The following BAHD1 variants were observed in gnomAD, a reference collection of about 807,000 sequenced individuals.
The protein encoded by BAHD1 is bromo adjacent homology domain-containing 1 protein.
Under a neutral mutation model 63.1 loss-of-function variants are expected in BAHD1, and 20 were observed. The ratio of observed to expected loss-of-function variants is 0.32; its 90% CI spans 0.22 to 0.46. The LOEUF (loss-of-function observed/expected upper bound fraction) is 0.46. Among genes scored for constraint, BAHD1 ranks in the 20% least tolerant of loss-of-function variants. BAHD1 has a pLI of 1.00. For missense variants in BAHD1, 939 were observed against 1,071.8 expected, an observed-to-expected ratio of 0.88 and a Z score of 1.73; for synonymous variants, 408 against 426.8, an observed-to-expected ratio of 0.96 and a Z score of 0.54.
intron 1 of BAHD1, among the ~76,000 whole-genome samples, chr15:40,441,818 C>T (rs1158019092): frequency 2.0e-5 from 3 of 147,926 alleles, no homozygotes; most frequent in Non-Finnish European, 4.5e-5. Flanking sequence ...CGCCCTCCCG[C>T]GCTGGGAGCT....
In BAHD1 at chr15:40,466,510, C is replaced by G. The variant is rs1409051957; in HGVS notation, c.*380C>G. 5.6e-6 allele frequency: 1 copy of G among 177,754 alleles called. No homozygotes were observed. Among genetic ancestry groups the G allele is most frequent in the Admixed American group, 5.8e-5 (1 of 17,324 alleles). 11.0% of individuals were successfully genotyped at this position (177,754 alleles called of 1,614,324 possible). A position where few individuals can be genotyped will look rare whatever the true frequency, so the allele number is the denominator to read the frequency against. On this transcript the variant is annotated 3_prime_UTR_variant, in exon 7 of 7. Transcript: ENST00000416165. ...CAGACCCAACAGGCCCTTCTGTAGC[C>G]TCCCCCTTGCCCTCAAAGGGGGAGT...
intron 1 of BAHD1, among the ~76,000 whole-genome samples, chr15:40,449,859 G>A: frequency 6.6e-6 from 1 of 151,656 alleles, no homozygotes; most frequent in East Asian, 1.9e-4. Context: ...GGTAATGAAG[G>A]AGGGTTGTGC....
chr15:40,438,560 G>A (rs1287041200), upstream of BAHD1, among the ~76,000 whole-genome samples: 1 of 152,106 alleles, frequency 6.6e-6, no homozygotes, highest in African/African-American at 2.4e-5. Context: ...TCCTCCAGCG[G>A]CCAGGCAGGC....
chr15:40,464,080 C>G, intron 4 of BAHD1, 60 bp downstream of exon 4: 1 of 1,571,328 alleles, frequency 6.4e-7, no homozygotes, highest in Non-Finnish European at 8.7e-7. Context: ...ACTGTAGTCC[C>G]CAGATTGGCC....
At chr15:40,441,426 G>A (rs1396829812) in intron 1 of BAHD1, among the ~76,000 whole-genome samples, 158 bp downstream of exon 1, 1 of 150,266 alleles carries the variant, frequency 6.7e-6, no homozygotes, top group Admixed American at 6.6e-5. Flanking sequence ...GGGAAGGGAC[G>A]GACGGACGGA....
chr15:40,468,178 T>A lies in BAHD1; in HGVS notation c.*2048T>A, dbSNP rs1044857340. ...TCCTCACCTCCCTTTTGACAGAGAT[T>A]AGAAGTACTTCTTTAAGAAAAAAAT... On this transcript the variant is annotated 3_prime_UTR_variant, in exon 7 of 7. Coordinates refer to ENST00000416165, the MANE Select transcript of BAHD1 (RefSeq NM_014952.5). 3 of 152,774 alleles carry A rather than the reference T, an allele frequency of 2.0e-5. No homozygotes were observed. The highest frequency in any genetic ancestry group is 4.4e-5 in the Non-Finnish European group (3 of 68,026). The allele number at this position is 152,774 out of a possible 1,614,324, so 9.5% of individuals were successfully genotyped here.
upstream of BAHD1, among the ~76,000 whole-genome samples, chr15:40,439,418 TG>T (rs1566956063): frequency 6.6e-6 from 1 of 152,202 alleles, no homozygotes; most frequent in Non-Finnish European, 1.5e-5. Flanking sequence ...AAAGGCTGCC[TG>T]GGTGAGCGCT....
chr15:40,444,079 AAGGAC>A (rs1158645473), intron 1 of BAHD1, among the ~76,000 whole-genome samples: 1 of 151,516 alleles, frequency 6.6e-6, no homozygotes, highest in African/African-American at 2.4e-5. Flanking sequence ...GAAATTTCTT[AAGGAC>A]AGGAACAATA....
chr15:40,466,083 C>T lies in BAHD1; in HGVS notation c.2296C>T (p.His766Tyr), dbSNP rs1894195346. Residue 766 changes from histidine to tyrosine, a missense_variant, in exon 7 of 7, where the codon CAT becomes TAT. Physicochemically the swap from His to Tyr is moderately conservative, Grantham distance 83. Around this residue, in one of 5 missense-constraint regions of BAHD1, gnomAD observed 68 missense variants for 86.2 expected, o/e 0.79. Coordinates refer to ENST00000416165, the MANE Select transcript of BAHD1 (RefSeq NM_014952.5). ...TDPELVFLCRHVYDFRHGRIL... is the reference protein window; with the variant it reads ...TDPELVFLCRYVYDFRHGRIL... ...CCCTGAGCTGGTGTTCCTTTGCCGC[C>T]ATGTCTATGACTTCCGCCACGGGCG... The T allele has an allele frequency of 1.2e-6, 2 of 1,614,134 alleles. No individual in the cohort carries two copies. Among genetic ancestry groups the T allele is most frequent in the Non-Finnish European group, 1.7e-6 (2 of 1,179,984 alleles).
At chr15:40,438,862 C>G (rs112094709), upstream of BAHD1, among the ~76,000 whole-genome samples, 1,211 of 152,346 alleles carry the variant, frequency 7.9e-3, 18 homozygotes, top group African/African-American at 0.028. Context: ...CCAAGGTCAG[C>G]GCCGCCTGGG....
intron 1 of BAHD1, among the ~76,000 whole-genome samples, chr15:40,446,251 A>G (rs1361779793): frequency 6.6e-6 from 1 of 152,206 alleles, no homozygotes; most frequent in Non-Finnish European, 1.5e-5. Context: ...AAGGAGGAGG[A>G]GAAAGAGCAC....
In BAHD1 at chr15:40,458,895, G is replaced by T; in HGVS notation, c.431G>T (p.Arg144Leu). The T allele has an allele frequency of 6.3e-7, 1 of 1,597,218 alleles. No individual in the cohort carries two copies. The highest frequency in any genetic ancestry group is 1.1e-5 in the South Asian group (1 of 89,146). Residue 144 changes from arginine (R) to leucine (L), a missense_variant, in exon 2 of 7, where the codon CGC becomes CTC. Transcript: ENST00000416165. The surrounding 1 kb of genome is among the most constrained non-coding windows in gnomAD (Gnocchi z 4.7). ...REDTSSLAGT[R>L]RSRAGDPHRS... ...GACACCAGCAGCCTGGCAGGCACCCGCCGCAGTCGAGCAGGGGATCCCCAC... is the reference window on the plus strand; with the variant it reads ...GACACCAGCAGCCTGGCAGGCACCCTCCGCAGTCGAGCAGGGGATCCCCAC...
At position 40,459,869 on chromosome 15, in the gene BAHD1, T is replaced by C; in HGVS notation, c.1405T>C (p.Cys469Arg). 2 of 1,594,790 alleles carry C rather than the reference T, an allele frequency of 1.3e-6. No individual in the cohort carries two copies. Among genetic ancestry groups the C allele is most frequent in the South Asian group, 1.1e-5 (1 of 89,764 alleles). ...VTHAGTTCGG[C>R]PYKMPFAAEG... ...CCACGCTGGCACTACCTGTGGCGGCTGCCCATACAAAATGCCTTTTGCAGC... is the reference window on the plus strand; with the variant it reads ...CCACGCTGGCACTACCTGTGGCGGCCGCCCATACAAAATGCCTTTTGCAGC... Residue 469 changes from cysteine to arginine, a missense_variant, in exon 2 of 7, where the codon TGC (cysteine) becomes CGC (arginine). By Grantham distance (180) the Cys-to-Arg change is radical (BLOSUM62 -3). This residue lies in a region of BAHD1 where 797 missense variants were observed against 813.3 expected (regional missense o/e 0.98). Coordinates refer to ENST00000416165, the MANE Select transcript of BAHD1 (RefSeq NM_014952.5).
chr15:40,449,138 G>GTT (rs201038799), intron 1 of BAHD1, among the ~76,000 whole-genome samples: 4 of 151,878 alleles, frequency 2.6e-5, no homozygotes, highest in Non-Finnish European at 4.4e-5. Flanking sequence ...CTTTGTACCT[G>GTT]TTTTTTTTCC....
intron 1 of BAHD1, among the ~76,000 whole-genome samples, chr15:40,443,049 C>T (rs1324751520): frequency 6.6e-6 from 1 of 152,226 alleles, no homozygotes; most frequent in East Asian, 1.9e-4. Context: ...ATGTGAACCC[C>T]ACACCCAAAA....
chr15:40,465,244 G>C, intron 5 of BAHD1, 91 bp from the exon 6 acceptor site: 1 of 1,135,802 alleles, frequency 8.8e-7, no homozygotes, highest in Non-Finnish European at 1.3e-6. Context: ...TCTCAGGTCA[G>C]CAGGCCCAGC....
chr15:40,449,480 G>T (rs886963343), intron 1 of BAHD1, among the ~76,000 whole-genome samples: 95 of 152,070 alleles, frequency 6.2e-4, no homozygotes, highest in African/African-American at 2.2e-3. Flanking sequence ...CTTTCCAGAG[G>T]TAGCTGGGCA....
At chr15:40,463,286 C>T (rs1329512224) in intron 3 of BAHD1, among the ~76,000 whole-genome samples, 1 of 152,218 alleles carries the variant, frequency 6.6e-6, no homozygotes, top group Non-Finnish European at 1.5e-5. Flanking sequence ...GCCTGGGTGA[C>T]AGAGTGAGAC....
chr15:40,458,981 C>A lies in BAHD1; in HGVS notation c.517C>A (p.Leu173Met). Residue 173 changes from leucine to methionine, a missense_variant, in exon 2 of 7, where the codon CTG becomes ATG. Leu to Met is a conservative substitution (Grantham distance 15, BLOSUM62 2). This residue lies in a region of BAHD1 where 797 missense variants were observed against 813.3 expected (regional missense o/e 0.98). Coordinates refer to ENST00000416165, the MANE Select transcript of BAHD1 (RefSeq NM_014952.5). This position sits in a 1 kb window ranked among gnomAD's most constrained non-coding sequence, Gnocchi z 4.7. ...GTCCTCCTCCAAGAAGCGGCCCCGG[C>A]TGGGGGACCTTGGAGGAGGAAGTCG... Reference protein sequence around the residue: ...GWSSSKKRPRLGDLGGGSRDL... With the variant: ...GWSSSKKRPRMGDLGGGSRDL... 6.3e-7 allele frequency: 1 copy of A among 1,584,384 alleles called. No homozygotes were observed.
Sources: gnomAD v4.1 joint callset for allele counts (sites outside exome capture counted in the v4.1 genomes callset) on GRCh38, gnomAD v4.1.1 for gene constraint, gnomAD v4.1.1 regional missense constraint, Gnocchi (gnomAD v3.1) non-coding constraint, MANE v1.5 for transcripts, NCBI Gene and HGNC (gene_info 2026-07-23, HGNC 2026-07-21) for gene names.